ST6GALNAC3: variants seen among roughly 807,000 people sequenced by gnomAD.
The protein encoded by ST6GALNAC3 is alpha-N-acetylgalactosaminide alpha-2,6-sialyltransferase 3.
Under a neutral mutation model 32.7 loss-of-function variants are expected in ST6GALNAC3, and 25 were observed. The ratio of observed to expected loss-of-function variants is 0.76; its 90% CI spans 0.56 to 1.07. The LOEUF (loss-of-function observed/expected upper bound fraction) is 1.07. ST6GALNAC3 is among the 50% of genes least tolerant of loss of function. The probability of loss-of-function intolerance (pLI) is 0.00; values close to 1 mark genes in which losing one functional copy is unlikely to be tolerated. For synonymous variants in ST6GALNAC3, 129 were observed against 133.1 expected (o/e 0.97, Z 0.21); for missense variants, 355 against 382.4 (o/e 0.93, Z 0.60).
At position 76,411,916 on chromosome 1, in the gene ST6GALNAC3, T is replaced by A. The variant is rs1654264908; in HGVS notation, c.214-92T>A. 1.4e-5 allele frequency: 19 copies of A among 1,343,624 alleles called. No individual in the cohort carries two copies. The South Asian group carries it at 2.8e-4, about 20-fold the overall frequency. The allele number at this position is 1,343,624 out of a possible 1,614,324, so 83.2% of individuals were successfully genotyped here. ...TCAGAGATATTTCCATATTTGGTAA[T>A]TATACAATATATGAACTTTTGTTTT... On this transcript the variant is annotated intron_variant, in intron 2 of 4. Transcript: ENST00000328299.
intron 1 of ST6GALNAC3, among the ~76,000 whole-genome samples, chr1:76,250,506 T>A (rs1432286078): frequency 6.6e-6 from 1 of 152,184 alleles, no homozygotes; most frequent in African/African-American, 2.4e-5. Context: ...GAAGCGTTAA[T>A]CCATGGAAAG....
intron 1 of ST6GALNAC3, among the ~76,000 whole-genome samples, chr1:76,193,059 T>G (rs2100511453): frequency 6.6e-6 from 1 of 152,294 alleles, no homozygotes; most frequent in South Asian, 2.1e-4. Flanking sequence ...TTTAGAAGTG[T>G]CATATAAAAA....
chr1:76,588,970 C>T (rs1647004704), intron 3 of ST6GALNAC3, among the ~76,000 whole-genome samples: 1 of 152,148 alleles, frequency 6.6e-6, no homozygotes, highest in Non-Finnish European at 1.5e-5. Flanking sequence ...GTAACCAATT[C>T]CAAGTATTAA....
At chr1:76,416,593 G>A (rs1398607081) in intron 3 of ST6GALNAC3, among the ~76,000 whole-genome samples, 1 of 149,808 alleles carries the variant, frequency 6.7e-6, no homozygotes, top group Non-Finnish European at 1.5e-5. Flanking sequence ...TTTAAGGTAG[G>A]CATCTTTTCA....
intron 3 of ST6GALNAC3, among the ~76,000 whole-genome samples, chr1:76,590,957 G>A (rs1557605378): frequency 6.6e-6 from 1 of 152,128 alleles, no homozygotes. Context: ...AGCTTGCCCT[G>A]TTGAACTTAT....
At chr1:76,101,522 A>G (rs1343242707) in intron 1 of ST6GALNAC3, among the ~76,000 whole-genome samples, 1 of 152,114 alleles carries the variant, frequency 6.6e-6, no homozygotes, top group Admixed American at 6.6e-5. Context: ...AGTGTTTTCA[A>G]CACTTCCTCA....
chr1:76,227,410 T>C (rs996155995), intron 1 of ST6GALNAC3, among the ~76,000 whole-genome samples: 4 of 152,182 alleles, frequency 2.6e-5, no homozygotes, highest in African/African-American at 7.2e-5. Flanking sequence ...TGTTTATTTG[T>C]CCAGTTCAAT....
rs77890259 is a variant in ST6GALNAC3 at position 76,387,326 on chromosome 1, C to T, written c.214-24682C>T. ...AAATTCCTCAGGGGACAGTACAGTGCCTGGCACATAGTAAGTGCTCCTTAC... is the reference window on the plus strand; with the variant it reads ...AAATTCCTCAGGGGACAGTACAGTGTCTGGCACATAGTAAGTGCTCCTTAC... On this transcript the variant is annotated intron_variant, in intron 2 of 4. Coordinates refer to ENST00000328299, the MANE Select transcript of ST6GALNAC3 (RefSeq NM_152996.4). 3.6e-3 allele frequency among the ~76,000 whole-genome samples: 552 copies of T among 152,248 alleles called. 2 individuals carry two copies. Among genetic ancestry groups the T allele is most frequent in the African/African-American group, 0.013 (531 of 41,562 alleles).
chr1:76,234,236 T>C (rs1656525203), intron 1 of ST6GALNAC3, among the ~76,000 whole-genome samples: 1 of 152,170 alleles, frequency 6.6e-6, no homozygotes, highest in South Asian at 2.1e-4. Context: ...GATTTCTCTG[T>C]ACCCTCCCCC....
At chr1:76,490,659 T>C (rs1473736717) in intron 3 of ST6GALNAC3, among the ~76,000 whole-genome samples, 4 of 151,794 alleles carry the variant, frequency 2.6e-5, no homozygotes, top group Non-Finnish European at 5.9e-5. Context: ...AGAGCTTTTC[T>C]AATATCTCTT....
intron 1 of ST6GALNAC3, among the ~76,000 whole-genome samples, chr1:76,084,313 A>G (rs1646937006): frequency 6.6e-6 from 1 of 152,176 alleles, no homozygotes; most frequent in African/African-American, 2.4e-5. Context: ...TTGAAATTTT[A>G]TCTGAAAATG....
chr1:76,257,715 G>A (rs778968528), intron 1 of ST6GALNAC3, among the ~76,000 whole-genome samples: 1 of 152,020 alleles, frequency 6.6e-6, no homozygotes, highest in African/African-American at 2.4e-5. Context: ...ACTAATGAAA[G>A]CCCGTAGCTT....
intron 3 of ST6GALNAC3, among the ~76,000 whole-genome samples, chr1:76,624,442 C>T (rs918733746): frequency 1.3e-5 from 2 of 151,896 alleles, no homozygotes; most frequent in African/African-American, 4.8e-5. Context: ...TGGAAGCTTA[C>T]TGTTGAACCT....
downstream of ST6GALNAC3, among the ~76,000 whole-genome samples, chr1:76,636,080 GA>G (rs951741396): frequency 6.6e-6 from 1 of 152,048 alleles, no homozygotes; most frequent in African/African-American, 2.4e-5. Context: ...GAAACTTTCA[GA>G]AAAAAATTTT....
At chr1:76,250,218 A>G (rs1324192326) in intron 1 of ST6GALNAC3, among the ~76,000 whole-genome samples, 2 of 152,218 alleles carry the variant, frequency 1.3e-5, no homozygotes, top group African/African-American at 4.8e-5. Context: ...ACACATATAC[A>G]TAAAATAGGA....
At chr1:76,478,313 T>C (rs1011011757) in intron 3 of ST6GALNAC3, among the ~76,000 whole-genome samples, 1 of 152,200 alleles carries the variant, frequency 6.6e-6, no homozygotes, top group African/African-American at 2.4e-5. Flanking sequence ...AGTCAAAGGT[T>C]ATTTTGTTTG....
chr1:76,413,953 A>C (rs1200710748), intron 3 of ST6GALNAC3, among the ~76,000 whole-genome samples: 1 of 152,104 alleles, frequency 6.6e-6, no homozygotes, highest in Non-Finnish European at 1.5e-5. Context: ...TCAGGGTATC[A>C]CCCAGACATA....
At chr1:76,395,599 GCA>G (rs374335295) in intron 2 of ST6GALNAC3, among the ~76,000 whole-genome samples, 90 of 150,348 alleles carry the variant, frequency 6.0e-4, no homozygotes, top group Non-Finnish European at 8.9e-4. Flanking sequence ...AGACACACAC[GCA>G]CACACACACA....
At chr1:76,600,907 G>C (rs1570414922) in intron 3 of ST6GALNAC3, among the ~76,000 whole-genome samples, 1 of 152,174 alleles carries the variant, frequency 6.6e-6, no homozygotes, top group East Asian at 1.9e-4. Context: ...TTTTGGTGGG[G>C]CATGGTCACT....
Sources: gnomAD v4.1 joint callset for allele counts (sites outside exome capture counted in the v4.1 genomes callset) on GRCh38, gnomAD v4.1.1 for gene constraint, MANE v1.5 for transcripts, NCBI Gene and HGNC (gene_info 2026-07-23, HGNC 2026-07-21) for gene names.